The following SAMD3 variants were observed in gnomAD, a reference collection of about 807,000 sequenced individuals.
SAMD3 encodes sterile alpha motif domain-containing protein 3.
A neutral mutation model predicts 58.5 loss-of-function variants in SAMD3; 63 were observed. The observed-to-expected ratio is 1.08, with a 90% CI of 0.88 to 1.33. The LOEUF (loss-of-function observed/expected upper bound fraction) is 1.33. SAMD3 is among the 40% of genes most tolerant of loss of function. The pLI is 0.00. For synonymous variants in SAMD3, 220 were observed against 210.3 expected (o/e 1.05, Z -0.40); for missense variants, 604 against 608.4 (o/e 0.99, Z 0.08).
chr6:130,218,463 C>T (rs1796095483), intron 1 of SAMD3, among the ~76,000 whole-genome samples: 2 of 152,148 alleles, frequency 1.3e-5, no homozygotes, highest in Non-Finnish European at 2.9e-5. Context: ...GATATTCTTC[C>T]AACCATCACC....
Position 130,328,247 on chromosome 6 carries a change from C to A in SAMD3, c.-303-15154G>T, listed in dbSNP as rs975124918. ...CCCAATTCTGATTCATATTACAGGA[C>A]CTGCTGGACCTGGAGCTATGTGCCC... is the stretch of plus-strand genomic sequence containing the variant. On this transcript the variant is annotated intron_variant, in intron 1 of 13. Transcript: ENST00000368134. Among the ~76,000 whole-genome samples, 34 of 152,270 alleles carry A rather than the reference C, an allele frequency of 2.2e-4. No individual in the cohort carries two copies. The East Asian group carries it at 2.9e-3, about 13-fold the overall frequency.
In SAMD3 at chr6:130,184,389, T is replaced by C. The variant is rs542156175; in HGVS notation, c.569+49A>G. On this transcript the variant is annotated intron_variant, in intron 6 of 11. Coordinates refer to ENST00000439090, the MANE Select transcript of SAMD3 (RefSeq NM_001017373.4). ...ATTCCACAGGAATTCTACTCTATTC[T>C]GAAACAGACCCTTTCCCAAAGCAGC... is the stretch of plus-strand genomic sequence containing the variant. 4.5e-6 allele frequency: 7 copies of C among 1,567,866 alleles called. No individual in the cohort carries two copies. The South Asian group carries it at 6.9e-5, about 15-fold the overall frequency.
intron 1 of SAMD3, among the ~76,000 whole-genome samples, chr6:130,358,563 A>G (rs1044650036): frequency 2.0e-5 from 3 of 152,096 alleles, no homozygotes; most frequent in African/African-American, 7.2e-5. Context: ...TGTTGTTGTT[A>G]TTTTTTTAAA....
chr6:130,226,941 T>C (rs192910992), upstream of SAMD3, among the ~76,000 whole-genome samples: 1 of 152,370 alleles, frequency 6.6e-6, no homozygotes, highest in Admixed American at 6.5e-5. Context: ...ATTTTTTACA[T>C]TTAAATAAAT....
chr6:130,225,648 T>C (rs1466327282), upstream of SAMD3, among the ~76,000 whole-genome samples: 2 of 152,212 alleles, frequency 1.3e-5, no homozygotes, highest in Non-Finnish European at 2.9e-5. Context: ...GCCTACTCAC[T>C]TCTACCATTC....
At chr6:130,196,090 T>A (rs1356581859) in intron 5 of SAMD3, among the ~76,000 whole-genome samples, 1 of 152,130 alleles carries the variant, frequency 6.6e-6, no homozygotes, top group Non-Finnish European at 1.5e-5. Context: ...GTCAGAATTT[T>A]TACAGGACTG....
intron 2 of SAMD3, among the ~76,000 whole-genome samples, chr6:130,283,752 T>C (rs528859108): frequency 1.3e-5 from 2 of 152,224 alleles, no homozygotes; most frequent in South Asian, 4.1e-4. Flanking sequence ...TTAAAGGATA[T>C]AAGTAAGGAA....
At chr6:130,197,741 C>T (rs1318636596) in intron 5 of SAMD3, among the ~76,000 whole-genome samples, 1 of 152,122 alleles carries the variant, frequency 6.6e-6, no homozygotes, top group African/African-American at 2.4e-5. Context: ...CTCTCCATAC[C>T]ATCCCCCAAA....
intron 8 of SAMD3, among the ~76,000 whole-genome samples, chr6:130,166,911 G>A (rs768287581): frequency 4.5e-4 from 69 of 152,202 alleles, no homozygotes; most frequent in Non-Finnish European, 8.1e-4. Flanking sequence ...CTGCACTGGT[G>A]TGGGAGTGAG....
At chr6:130,355,238 A>T (rs577021775) in intron 1 of SAMD3, among the ~76,000 whole-genome samples, 1 of 152,186 alleles carries the variant, frequency 6.6e-6, no homozygotes, top group Non-Finnish European at 1.5e-5. Flanking sequence ...AGCCTAGCCA[A>T]CATGGTGAAA....
At chr6:130,244,266 C>T (rs1321605937) in intron 2 of SAMD3, among the ~76,000 whole-genome samples, 1 of 152,092 alleles carries the variant, frequency 6.6e-6, no homozygotes, top group East Asian at 1.9e-4. Context: ...TCATAAAAGC[C>T]TGTAAATGAT....
chr6:130,180,017 G>T (rs1792132689), intron 7 of SAMD3, among the ~76,000 whole-genome samples: 1 of 151,852 alleles, frequency 6.6e-6, no homozygotes, highest in Non-Finnish European at 1.5e-5. Flanking sequence ...GTTTCACCAT[G>T]TTGGCCAGGA....
intron 1 of SAMD3, among the ~76,000 whole-genome samples, chr6:130,329,114 A>T (rs1195995464): frequency 6.6e-6 from 1 of 152,026 alleles, no homozygotes; most frequent in Non-Finnish European, 1.5e-5. Flanking sequence ...TTACATGTAT[A>T]TGCCTTGGTC....
chr6:130,306,993 TCTGA>T (rs1775930653), intron 2 of SAMD3, among the ~76,000 whole-genome samples: 1 of 152,232 alleles, frequency 6.6e-6, no homozygotes, highest in Non-Finnish European at 1.5e-5. Flanking sequence ...TAGCTATTGT[TCTGA>T]CTTATTCTCT....
intron 1 of SAMD3, among the ~76,000 whole-genome samples, chr6:130,359,843 T>C (rs781102882): frequency 1.3e-5 from 2 of 152,234 alleles, no homozygotes; most frequent in East Asian, 1.9e-4. Flanking sequence ...GGAAAATGCA[T>C]AGCTTCCAGG....
intron 2 of SAMD3, among the ~76,000 whole-genome samples, chr6:130,254,527 C>T (rs1773861488): frequency 6.6e-6 from 1 of 151,336 alleles, no homozygotes; most frequent in African/African-American, 2.4e-5. Flanking sequence ...TAAGGTTTTG[C>T]CATGTTGCCC....
upstream of SAMD3, among the ~76,000 whole-genome samples, chr6:130,223,857 C>T (rs1281636276): frequency 5.9e-5 from 9 of 152,186 alleles, no homozygotes; most frequent in Non-Finnish European, 1.0e-4. Context: ...AGTCTTTCAG[C>T]TTAGCCATCC....
At chr6:130,297,657 T>C (rs562866825) in intron 2 of SAMD3, among the ~76,000 whole-genome samples, 3 of 152,204 alleles carry the variant, frequency 2.0e-5, no homozygotes, top group South Asian at 4.1e-4. Flanking sequence ...ATTCAAGATA[T>C]AAAAGACAAG....
At position 130,182,075 on chromosome 6, in the gene SAMD3, A is replaced by AC. The variant is rs1582823519; in HGVS notation, c.654+2027_654+2028insG. ...GCAAGACTCTGTCTCAAAAAAAAAA[A>AC]AAAAAAAAAAAACCACAAGTTCTAT... is the stretch of plus-strand genomic sequence containing the variant. On this transcript the variant is annotated intron_variant, in intron 7 of 11. Transcript: ENST00000439090. Among the ~76,000 whole-genome samples the AC allele has an allele frequency of 3.9e-4, 59 of 151,150 alleles. 1 individual carries two copies. In the East Asian group the frequency reaches 7.4e-3, roughly 19 times the overall value.
Sources: gnomAD v4.1 joint callset for allele counts (sites outside exome capture counted in the v4.1 genomes callset) on GRCh38, gnomAD v4.1.1 for gene constraint, MANE v1.5 for transcripts, NCBI Gene and HGNC (gene_info 2026-07-23, HGNC 2026-07-21) for gene names.